The following CACNA2D1 variants were observed in gnomAD, a reference collection of about 807,000 sequenced individuals.
CACNA2D1 encodes the protein voltage-dependent calcium channel subunit alpha-2/delta-1.
In CACNA2D1, 53 loss-of-function variants were observed where a neutral mutation model predicts 171.5. The ratio of observed to expected loss-of-function variants is 0.31; its 90% CI spans 0.25 to 0.39. The LOEUF (loss-of-function observed/expected upper bound fraction) is 0.39, where lower values mean the gene tolerates loss of function less well. Ranked by LOEUF, CACNA2D1 falls within the 10% of genes least tolerant of loss-of-function variation. The pLI is 1.00. For missense variants in CACNA2D1, 903 were observed against 1,299.8 expected (o/e 0.69, Z 4.69); for synonymous variants, 442 against 443.1 (o/e 1.00, Z 0.03).
At chr7:81,986,452 G>A (rs1796979275) in intron 21 of CACNA2D1, among the ~76,000 whole-genome samples, 1 of 151,418 alleles carries the variant, frequency 6.6e-6, no homozygotes, top group Non-Finnish European at 1.5e-5. Context: ...CCCAGTTTTG[G>A]GACTGGATAT....
At chr7:82,111,771 A>T (rs1331919603) in intron 6 of CACNA2D1, among the ~76,000 whole-genome samples, 1 of 152,040 alleles carries the variant, frequency 6.6e-6, no homozygotes, top group African/African-American at 2.4e-5. Context: ...CCAATAAAAG[A>T]TAGTAACAGT....
chr7:82,426,579 A>AT (rs1321568845), intron 1 of CACNA2D1, among the ~76,000 whole-genome samples: 6 of 152,220 alleles, frequency 3.9e-5, no homozygotes, highest in African/African-American at 1.4e-4. Context: ...AGGAAAAAAA[A>AT]GTGCCATTCT....
intron 6 of CACNA2D1, among the ~76,000 whole-genome samples, chr7:82,095,468 C>T (rs1168632468): frequency 6.6e-6 from 1 of 152,132 alleles, no homozygotes; most frequent in Non-Finnish European, 1.5e-5. Context: ...ATGTGACAAA[C>T]CTGTGTTTAA....
intron 3 of CACNA2D1, among the ~76,000 whole-genome samples, chr7:82,263,027 C>T (rs1026285351): frequency 1.1e-4 from 17 of 151,612 alleles, no homozygotes; most frequent in African/African-American, 4.1e-4. Flanking sequence ...TTCATTGAAC[C>T]TAAGCATAAA....
chr7:82,023,273 G>T (rs1801470201), intron 12 of CACNA2D1, among the ~76,000 whole-genome samples: 1 of 151,906 alleles, frequency 6.6e-6, no homozygotes, highest in African/African-American at 2.4e-5. Flanking sequence ...ACAGCTGTGT[G>T]AGGAGATTAA....
intron 3 of CACNA2D1, among the ~76,000 whole-genome samples, chr7:82,245,367 T>A (rs900556132): frequency 6.6e-6 from 1 of 152,188 alleles, no homozygotes; most frequent in African/African-American, 2.4e-5. Context: ...CTTGAATACA[T>A]CCCTGGATAA....
chr7:82,429,027 A>G (rs1563540600), intron 1 of CACNA2D1, among the ~76,000 whole-genome samples: 2 of 152,224 alleles, frequency 1.3e-5, no homozygotes, highest in Non-Finnish European at 2.9e-5. Context: ...TTCCGACTGG[A>G]CAAAAAAGTA....
At chr7:82,381,095 G>A (rs748643461) in intron 1 of CACNA2D1, among the ~76,000 whole-genome samples, 11 of 151,898 alleles carry the variant, frequency 7.2e-5, no homozygotes, top group Admixed American at 2.0e-4. Context: ...GGCGGATCAC[G>A]AGGTCAGGAG....
intron 1 of CACNA2D1, among the ~76,000 whole-genome samples, chr7:82,405,660 G>A (rs1826950168): frequency 6.6e-6 from 1 of 152,140 alleles, no homozygotes; most frequent in African/African-American, 2.4e-5. Context: ...AAATTATCAT[G>A]ACTGTACAAT....
At chr7:82,099,678 T>G (rs1454296793) in intron 6 of CACNA2D1, among the ~76,000 whole-genome samples, 1 of 59,026 alleles carries the variant, frequency 1.7e-5, no homozygotes, top group African/African-American at 4.9e-5. Context: ...CTCGATCTCC[T>G]GACCTCGTGA....
intron 4 of CACNA2D1, among the ~76,000 whole-genome samples, chr7:82,160,349 A>T (rs1794821885): frequency 6.6e-6 from 1 of 152,096 alleles, no homozygotes; most frequent in African/African-American, 2.4e-5. Context: ...ATTAAAAAGA[A>T]AAAAATTAAA....
chr7:82,339,292 C>T (rs991434441), intron 2 of CACNA2D1, among the ~76,000 whole-genome samples: 5 of 152,144 alleles, frequency 3.3e-5, no homozygotes, highest in Non-Finnish European at 7.3e-5. Context: ...GAGAAACAGT[C>T]AAATTTCTGC....
Position 82,136,688 on chromosome 7 carries a change from A to T in CACNA2D1, c.355-12T>A. 1.3e-6 allele frequency: 2 copies of T among 1,564,346 alleles called. No individual in the cohort carries two copies. Among genetic ancestry groups the T allele is most frequent in the South Asian group, 2.3e-5 (2 of 86,670 alleles). ...ACAACTTCATTGCTCTACAAAAAAAAAAGAACGCTTTATTGATTTTAATAA... is the reference window on the plus strand; with the variant it reads ...ACAACTTCATTGCTCTACAAAAAAATAAGAACGCTTTATTGATTTTAATAA... On this transcript the variant is annotated splice_polypyrimidine_tract_variant and intron_variant, in intron 4 of 38. Transcript: ENST00000356860.
intron 4 of CACNA2D1, among the ~76,000 whole-genome samples, chr7:82,147,151 C>T (rs1293151563): frequency 6.6e-6 from 1 of 151,942 alleles, no homozygotes; most frequent in Non-Finnish European, 1.5e-5. Context: ...AGGCTACTTT[C>T]ACTCTCATAG....
At chr7:82,085,760 G>C (rs1810399756) in intron 6 of CACNA2D1, among the ~76,000 whole-genome samples, 1 of 150,956 alleles carries the variant, frequency 6.6e-6, no homozygotes, top group Admixed American at 6.6e-5. Flanking sequence ...GATTGATTTT[G>C]ATACGTATTT....
intron 38 of CACNA2D1, among the ~76,000 whole-genome samples, chr7:81,952,377 T>C (rs1308493623): frequency 6.6e-6 from 1 of 152,080 alleles, no homozygotes; most frequent in Non-Finnish European, 1.5e-5. Context: ...ATAAAATTAT[T>C]TCTTTAATTG....
At chr7:82,062,729 C>CTTTTTTTTTT (rs71520797) in intron 9 of CACNA2D1, among the ~76,000 whole-genome samples, 2 of 52,170 alleles carry the variant, frequency 3.8e-5, no homozygotes, top group African/African-American at 9.8e-5. Context: ...GGTATATCTC[C>CTTTTTTTTTT]TTTTTTTTTT....
At chr7:82,318,678 C>T (rs905756877) in intron 3 of CACNA2D1, among the ~76,000 whole-genome samples, 1 of 152,060 alleles carries the variant, frequency 6.6e-6, no homozygotes, top group Non-Finnish European at 1.5e-5. Flanking sequence ...TTTTCTATAC[C>T]ACATCTGATG....
chr7:82,240,691 G>A lies in CACNA2D1; in HGVS notation c.295-70082C>T, dbSNP rs146960263. Reference sequence around the variant, plus strand: ...TAAAAGGTAACTTTAGGCCAGGCACGGTGGCTCATGCCTGTAATCCCAATC... The same window carrying A: ...TAAAAGGTAACTTTAGGCCAGGCACAGTGGCTCATGCCTGTAATCCCAATC... On this transcript the variant is annotated intron_variant, in intron 3 of 38. Coordinates refer to ENST00000356860, the MANE Select transcript of CACNA2D1 (RefSeq NM_000722.4). Among the ~76,000 whole-genome samples, 88 of 152,146 alleles carry A rather than the reference G, an allele frequency of 5.8e-4. No individual in the cohort carries two copies. In the East Asian group the frequency reaches 0.011, roughly 18 times the overall value.
Sources: allele counts gnomAD v4.1 joint callset (sites outside exome capture counted in the v4.1 genomes callset), GRCh38; gene constraint gnomAD v4.1.1; transcripts MANE v1.5; gene names NCBI Gene and HGNC (gene_info 2026-07-23, HGNC 2026-07-21).